Variants in NUP210 observed in about 807,000 individuals in gnomAD.
The protein encoded by NUP210 is nuclear pore membrane glycoprotein 210.
Under a neutral mutation model 196.0 loss-of-function variants are expected in NUP210, and 151 were observed. The observed-to-expected ratio is 0.77, with a 90% CI of 0.67 to 0.88. The LOEUF (loss-of-function observed/expected upper bound fraction) is 0.88. NUP210 is among the 40% of genes least tolerant of loss of function. NUP210 has a pLI of 0.00. For synonymous variants in NUP210, 1,070 were observed against 1,052.7 expected (o/e 1.02, Z -0.32); for missense variants, 2,314 against 2,493.7 (o/e 0.93, Z 1.53).
chr3:13,413,485 C>T (rs1700247305), intron 1 of NUP210, among the ~76,000 whole-genome samples: 1 of 150,816 alleles, frequency 6.6e-6, no homozygotes, highest in Admixed American at 6.6e-5. Flanking sequence ...AAAAAACAAA[C>T]AAACAAAAAA....
chr3:13,336,054 C>T (rs1406135077), intron 27 of NUP210, among the ~76,000 whole-genome samples: 1 of 152,232 alleles, frequency 6.6e-6, no homozygotes, highest in African/African-American at 2.4e-5. Flanking sequence ...AGCCCCCGGG[C>T]ACCAGGGACA....
At chr3:13,336,957 C>T in intron 26 of NUP210, 39 bp from the exon 27 acceptor site, 40 of 1,610,256 alleles carry the variant, frequency 2.5e-5, no homozygotes, top group Non-Finnish European at 3.4e-5. Flanking sequence ...CAGTAGCTCC[C>T]AGCACTGGGA....
Position 13,379,033 on chromosome 3 carries a change from T to TGGCC in NUP210, c.977-57_977-54dup. 6.7e-7 allele frequency: 1 copy of TGGCC among 1,495,412 alleles called. No homozygotes were observed. The highest frequency in any genetic ancestry group is 9.3e-7 in the Non-Finnish European group (1 of 1,072,066). 92.6% of individuals were successfully genotyped at this position (1,495,412 alleles called of 1,614,324 possible). A position where few individuals can be genotyped will look rare whatever the true frequency, so the allele number is the denominator to read the frequency against. On this transcript the variant is annotated intron_variant, in intron 7 of 39. Transcript: ENST00000254508. The surrounding 1 kb of genome is among the most constrained non-coding windows in gnomAD (Gnocchi z 4.2). ...TATGACAGCAAATAAACCAGCTGGC[T>TGGCC]GGCCAGTTTCAGCTTGGCTCAGAAT...
At chr3:13,388,232 C>T (rs1699350446) in intron 5 of NUP210, 71 bp downstream of exon 5, 1 of 1,247,288 alleles carries the variant, frequency 8.0e-7, no homozygotes, top group Non-Finnish European at 1.1e-6. Context: ...TGTGATGGTA[C>T]CTATAAGCAG....
rs1156896527 is a variant in NUP210 at position 13,379,042 on chromosome 3, T to A, written c.977-62A>T. On this transcript the variant is annotated intron_variant, in intron 7 of 39. Transcript: ENST00000254508. This position sits in a 1 kb window ranked among gnomAD's most constrained non-coding sequence, Gnocchi z 4.2. The stretch of plus-strand genomic sequence containing the variant: ...AAATAAACCAGCTGGCTGGCCAGTT[T>A]CAGCTTGGCTCAGAATCCTGATCAT... 41 of 1,336,746 alleles carry A rather than the reference T, an allele frequency of 3.1e-5. No homozygotes were observed. The highest frequency in any genetic ancestry group is 4.4e-5 in the Non-Finnish European group (41 of 927,916). The allele number at this position is 1,336,746 out of a possible 1,614,324, so 82.8% of individuals were successfully genotyped here. A position where few individuals can be genotyped will look rare whatever the true frequency, so the allele number is the denominator to read the frequency against.
At chr3:13,389,027 G>T (rs1036308988) in intron 4 of NUP210, among the ~76,000 whole-genome samples, 32 of 152,260 alleles carry the variant, frequency 2.1e-4, no homozygotes, top group African/African-American at 7.7e-4. Flanking sequence ...AGTGTGGGCT[G>T]CTGGGCAGGC....
intron 28 of NUP210, among the ~76,000 whole-genome samples, chr3:13,332,847 A>C (rs914525888): frequency 1.3e-5 from 2 of 152,188 alleles, no homozygotes; most frequent in African/African-American, 2.4e-5. Context: ...CTCCGTGCCC[A>C]GTGAGGAAGA....
chr3:13,344,994 G>A, intron 20 of NUP210: 9 of 985,404 alleles, frequency 9.1e-6, no homozygotes, highest in Non-Finnish European at 9.6e-6. Context: ...TGCCATCAGT[G>A]TTGATGGGAC....
In NUP210 at chr3:13,323,303, A is replaced by C. The variant is rs1176099721; in HGVS notation, c.4768+6T>G. The C allele has an allele frequency of 6.2e-7, 1 of 1,613,938 alleles. No homozygotes were observed. The highest frequency in any genetic ancestry group is 1.3e-5 in the African/African-American group (1 of 74,926). On this transcript the variant is annotated splice_donor_region_variant and intron_variant, in intron 34 of 39. Transcript: ENST00000254508. The surrounding 1 kb of genome is among the most constrained non-coding windows in gnomAD (Gnocchi z 4.3). ...CTGAAGACAGCCCAAGCCCCTCATTAAGTACCTCTCAGGTTAGAGCTTCTG... is the reference window on the plus strand; with the variant it reads ...CTGAAGACAGCCCAAGCCCCTCATTCAGTACCTCTCAGGTTAGAGCTTCTG...
intron 5 of NUP210, among the ~76,000 whole-genome samples, chr3:13,386,654 G>C (rs1260319390): frequency 1.3e-5 from 2 of 152,048 alleles, no homozygotes; most frequent in African/African-American, 4.8e-5. Context: ...CATTGTGCAT[G>C]GTTTATCTCT....
In NUP210 at chr3:13,358,392, T is replaced by C; in HGVS notation, c.2158A>G (p.Ile720Val). The change falls in exon 16 of 40, where the codon ATC becomes GTC. Residue 720 changes from isoleucine to valine, a missense_variant. By Grantham distance (29) the Ile-to-Val change is conservative. Coordinates refer to ENST00000254508, the MANE Select transcript of NUP210 (RefSeq NM_024923.4). The stretch of plus-strand genomic sequence containing the variant: ...GGCTTGTTCCCCACCGACAGGGCGA[T>C]GACCTGGTAGGGCACAGTGAACAGT... ...VTCQALGEQVIALSVGNKPSL... is the reference protein window; with the variant it reads ...VTCQALGEQVVALSVGNKPSL... 1 of 1,609,500 alleles carries C rather than the reference T, an allele frequency of 6.2e-7. No individual in the cohort carries two copies. The highest frequency in any genetic ancestry group is 8.5e-7 in the Non-Finnish European group (1 of 1,177,166).
chr3:13,323,430 C>T lies in NUP210; in HGVS notation c.4647G>A (p.Val1549=), dbSNP rs2124831127. Residue 1549 remains valine (V), a splice_region_variant and synonymous_variant, in exon 34 of 40, where the codon GTG becomes GTA. Coordinates refer to ENST00000254508, the MANE Select transcript of NUP210 (RefSeq NM_024923.4). The surrounding 1 kb of genome is among the most constrained non-coding windows in gnomAD (Gnocchi z 4.3). ...TGATCCTCTGAGGGACGCTGACCAC[C>T]ACCTAGAGAGGGAGCCAAGGAAGCT... ...VAGHLRTYKE[V]VVSVPQRIMA... 1.2e-6 allele frequency: 2 copies of T among 1,614,078 alleles called. No individual in the cohort carries two copies. The highest frequency in any genetic ancestry group is 1.7e-6 in the Non-Finnish European group (2 of 1,179,984).
At chr3:13,343,342 G>GGGGGGGGGGGGGGGGGC in intron 20 of NUP210, 39 bp from the exon 21 acceptor site, 6 of 655,990 alleles carry the variant, frequency 9.1e-6, no homozygotes, top group East Asian at 4.4e-5. Flanking sequence ...TGGGTGGTGG[G>GGGGGGGGGGGGGGGGGC]TTACGCAGCT....
chr3:13,317,675 C>A lies in NUP210; in HGVS notation c.*6G>T, dbSNP rs1348645139. 2 of 1,597,758 alleles carry A rather than the reference C, an allele frequency of 1.3e-6. No homozygotes were observed. The highest frequency in any genetic ancestry group is 1.7e-5 in the Admixed American group (1 of 58,266). On this transcript the variant is annotated 3_prime_UTR_variant, in exon 40 of 40. Transcript: ENST00000254508. ...GAGACCCATCCTCCGGGAACCTTCA[C>A]GCGGCCTAGTGGGAGGCATAGGCTG...
In NUP210 at chr3:13,341,834, C is replaced by T. The variant is rs541868505; in HGVS notation, c.3142G>A (p.Gly1048Ser). ...DNYTITFLIR[G>S]VAIGQTSLTA... ...AGACTGGTCTGGCCGATGGCCACAC[C>T]GCGGATGAGGAATGTGATGGTGTAG... Residue 1048 changes from glycine to serine, a missense_variant, in exon 23 of 40, where the codon GGT becomes AGT. Transcript: ENST00000254508. 52 of 1,614,006 alleles carry T rather than the reference C, an allele frequency of 3.2e-5. No homozygotes were observed. The highest frequency in any genetic ancestry group is 7.7e-5 in the South Asian group (7 of 91,076).
chr3:13,365,335 G>A (rs1282872642), intron 14 of NUP210, among the ~76,000 whole-genome samples: 1 of 152,184 alleles, frequency 6.6e-6, no homozygotes, highest in African/African-American at 2.4e-5. Context: ...CCATTTTACA[G>A]GCAGGGAATG....
intron 27 of NUP210, 72 bp from the exon 28 acceptor site, chr3:13,335,684 C>A: frequency 6.5e-7 from 1 of 1,529,944 alleles, no homozygotes; most frequent in Non-Finnish European, 8.9e-7. Flanking sequence ...CAGAGCCGGA[C>A]AGTAGCCCCA....
rs750825095 is a variant in NUP210, at chr3:13,325,852, G to A, written c.4587C>T (p.Ala1529=). ...DPKTGVAVAR[A]VGSVTVYYEV... The stretch of plus-strand genomic sequence containing the variant: ...CATAGTAAACCGTCACGGATCCCAC[G>A]GCCCGGGCCACAGCCACACCCGTCT... The change falls in exon 33 of 40, where the codon GCC becomes GCT. Residue 1529 remains alanine, a synonymous_variant. Transcript: ENST00000254508. The A allele has an allele frequency of 7.4e-6, 12 of 1,613,842 alleles. No individual in the cohort carries two copies. In the East Asian group the frequency reaches 1.1e-4, roughly 15 times the overall value.
At chr3:13,325,635 G>C (rs939575302) in intron 33 of NUP210, among the ~76,000 whole-genome samples, 160 bp downstream of exon 33, 1 of 152,200 alleles carries the variant, frequency 6.6e-6, no homozygotes, top group African/African-American at 2.4e-5. Flanking sequence ...TTGTCCCCAT[G>C]TCAGAGTCAG....
Sources: allele counts gnomAD v4.1 joint callset (sites outside exome capture counted in the v4.1 genomes callset), GRCh38; gene constraint gnomAD v4.1.1; non-coding constraint Gnocchi (gnomAD v3.1); transcripts MANE v1.5; gene names NCBI Gene and HGNC (gene_info 2026-07-23, HGNC 2026-07-21).